NRAP: variants seen among roughly 807,000 people sequenced by gnomAD.
NRAP encodes the protein nebulin related anchoring protein, also known as nebulin-related-anchoring protein.
In NRAP, 189 loss-of-function variants were observed where a neutral mutation model predicts 225.9. The ratio of observed to expected loss-of-function variants is 0.84; its 90% CI spans 0.74 to 0.94. The LOEUF (loss-of-function observed/expected upper bound fraction) is 0.94. Ranked by LOEUF, NRAP falls within the 40% of genes least tolerant of loss-of-function variation. The pLI is 0.00. For synonymous variants in NRAP, 769 were observed against 790.7 expected, an observed-to-expected ratio of 0.97 and a Z score of 0.46; for missense variants, 2,176 against 2,168.7, an observed-to-expected ratio of 1.00 and a Z score of -0.07.
intron 3 of NRAP, among the ~76,000 whole-genome samples, chr10:113,660,108 CAT>C (rs1850573688): frequency 6.6e-6 from 1 of 150,666 alleles, no homozygotes; most frequent in Non-Finnish European, 1.5e-5. Flanking sequence ...TATATACATA[CAT>C]ACATACATAA....
At chr10:113,600,659 A>G (rs566684149) in intron 35 of NRAP, among the ~76,000 whole-genome samples, 6 of 152,316 alleles carry the variant, frequency 3.9e-5, no homozygotes, top group African/African-American at 1.4e-4. Flanking sequence ...AGACTGAACC[A>G]GGAGTTAAGA....
chr10:113,627,643 AG>A (rs1848358895), intron 20 of NRAP, among the ~76,000 whole-genome samples: 1 of 152,158 alleles, frequency 6.6e-6, no homozygotes, highest in South Asian at 2.1e-4. Context: ...GTCTCAGAGG[AG>A]GGTGAGTACA....
Position 113,650,515 on chromosome 10 carries a change from T to A in NRAP, c.706A>T (p.Arg236Ter). The change falls in exon 8 of 42, where the codon AGA (arginine) becomes TGA (stop). Residue 236 changes from arginine to a stop codon, truncating the protein, a stop_gained. Coordinates refer to ENST00000359988, the MANE Select transcript of NRAP (RefSeq NM_198060.4). LOFTEE classifies it high-confidence loss of function. Reference sequence around the variant, plus strand: ...ATCGCAGGGAAACTGCCTTTCCCTCTTTGTTGTTCATAGTCCTCTGTGTAT... The same window carrying A: ...ATCGCAGGGAAACTGCCTTTCCCTCATTGTTGTTCATAGTCCTCTGTGTAT... ...VRYTEDYEQQ[R>*]GKGSFPAMIT... The A allele has an allele frequency of 6.2e-7, 1 of 1,613,606 alleles. No homozygotes were observed.
chr10:113,631,917 C>G lies in NRAP; in HGVS notation c.1680G>C (p.Glu560Asp). The part of the protein sequence containing the change: ...GWEKTKGKGF[E>D]MKLDAMSLLA... ...GCAGAGACATGGCATCCAGCTTCAT[C>G]TCAAATCCTTTCCCCTTTGTCTTCT... The change falls in exon 17 of 42, where the codon GAG becomes GAC. Residue 560 changes from glutamate (E) to aspartate (D), a missense_variant. Around this residue, in one of 3 missense-constraint regions of NRAP, gnomAD observed 1,708 missense variants for 1,695.5 expected, o/e 1.01. Coordinates refer to ENST00000359988, the MANE Select transcript of NRAP (RefSeq NM_198060.4). The G allele has an allele frequency of 6.2e-7, 1 of 1,613,844 alleles. No individual in the cohort carries two copies. The highest frequency in any genetic ancestry group is 8.5e-7 in the Non-Finnish European group (1 of 1,179,730).
chr10:113,608,539 A>C, intron 31 of NRAP, 27 bp from the exon 32 acceptor site: 1 of 1,438,872 alleles, frequency 6.9e-7, no homozygotes, highest in Non-Finnish European at 9.7e-7. Context: ...GAAGGGAAGA[A>C]GACGACTCCG....
rs1315049585 is a variant in NRAP, at chr10:113,623,895, G to A, written c.2350-259C>T. Among the ~76,000 whole-genome samples, 3 of 152,140 alleles carry A rather than the reference G, an allele frequency of 2.0e-5. 1 individual carries two copies. The South Asian group carries it at 6.2e-4, about 32-fold the overall frequency. On this transcript the variant is annotated intron_variant, in intron 22 of 41. Coordinates refer to ENST00000359988, the MANE Select transcript of NRAP (RefSeq NM_198060.4). ...CTTAACAAATACTAGGAGTTTTCGTGGAAGTCTCAAAAACATGCCAAAGGC... is the reference window on the plus strand; with the variant it reads ...CTTAACAAATACTAGGAGTTTTCGTAGAAGTCTCAAAAACATGCCAAAGGC...
intron 5 of NRAP, among the ~76,000 whole-genome samples, 197 bp downstream of exon 5, chr10:113,653,824 G>A (rs1850137486): frequency 6.6e-6 from 1 of 152,128 alleles, no homozygotes; most frequent in African/African-American, 2.4e-5. Context: ...TGCCCTACAT[G>A]GATTTGGCCT....
At position 113,605,805 on chromosome 10, in the gene NRAP, A is replaced by T; in HGVS notation, c.3872T>A (p.Leu1291His). The T allele has an allele frequency of 6.2e-7, 1 of 1,614,066 alleles. No individual in the cohort carries two copies. Among genetic ancestry groups the T allele is most frequent in the Non-Finnish European group, 8.5e-7 (1 of 1,179,934 alleles). The change falls in exon 34 of 42, where the codon CTC becomes CAC. Residue 1291 changes from leucine to histidine, a missense_variant. Leu to His is a moderately conservative substitution (Grantham distance 99). Around this residue, in one of 3 missense-constraint regions of NRAP, gnomAD observed 1,708 missense variants for 1,695.5 expected, o/e 1.01. Coordinates refer to ENST00000359988, the MANE Select transcript of NRAP (RefSeq NM_198060.4). ...AQGYKLTIEALPFQAARASGD... is the reference protein window; with the variant it reads ...AQGYKLTIEAHPFQAARASGD... ...AGAGGCCCGGGCAGCCTGGAAGGGG[A>T]GCGCTTCTATTGTCAGCTTGTAGCC...
intron 3 of NRAP, among the ~76,000 whole-genome samples, chr10:113,659,242 A>G (rs1850510391): frequency 6.6e-6 from 1 of 152,100 alleles, no homozygotes; most frequent in Admixed American, 6.5e-5. Flanking sequence ...CCAGTTAATT[A>G]TTTGTTGTGG....
intron 10 of NRAP, among the ~76,000 whole-genome samples, chr10:113,646,376 G>A (rs947191269): frequency 5.3e-5 from 8 of 152,204 alleles, no homozygotes; most frequent in African/African-American, 1.9e-4. Flanking sequence ...AGAAAAGAGA[G>A]TGAAGGAAAA....
chr10:113,590,933 C>A (rs1845944988), intron 39 of NRAP, 44 bp from the exon 40 acceptor site: 1 of 1,569,324 alleles, frequency 6.4e-7, no homozygotes, highest in Non-Finnish European at 8.7e-7. Context: ...TGCCTACCTC[C>A]CCCAGGACCA....
intron 10 of NRAP, among the ~76,000 whole-genome samples, chr10:113,646,183 G>GA (rs965549583): frequency 1.3e-5 from 2 of 151,622 alleles, no homozygotes; most frequent in Non-Finnish European, 2.9e-5. Context: ...TTCTGCGTGG[G>GA]AAAAAAAAGT....
chr10:113,609,580 T>G (rs1847200802), intron 31 of NRAP, among the ~76,000 whole-genome samples: 1 of 152,100 alleles, frequency 6.6e-6, no homozygotes, highest in African/African-American at 2.4e-5. Flanking sequence ...ACCAAGAAAT[T>G]ATCACCATTT....
At chr10:113,622,595 C>G (rs1320390573) in intron 23 of NRAP, among the ~76,000 whole-genome samples, 1 of 152,060 alleles carries the variant, frequency 6.6e-6, no homozygotes, top group Admixed American at 6.5e-5. Context: ...GGACCAGAAG[C>G]AAGAATAAAT....
At chr10:113,655,580 C>A (rs1030915312) in intron 4 of NRAP, among the ~76,000 whole-genome samples, 2 of 151,890 alleles carry the variant, frequency 1.3e-5, no homozygotes, top group Non-Finnish European at 2.9e-5. Context: ...CTCAGCCTCC[C>A]GAGAAGCTGG....
chr10:113,599,324 G>A (rs948965418), intron 35 of NRAP, among the ~76,000 whole-genome samples: 3 of 152,188 alleles, frequency 2.0e-5, no homozygotes, highest in African/African-American at 7.2e-5. Context: ...TCAGGCTCAG[G>A]AGCAGGTTTC....
At chr10:113,629,509 T>C (rs1848464206) in intron 19 of NRAP, 79 bp downstream of exon 19, 1 of 1,014,664 alleles carries the variant, frequency 9.9e-7, no homozygotes, top group East Asian at 2.4e-5. Context: ...AATAGACTCG[T>C]GCACAGGTTT....
intron 37 of NRAP, among the ~76,000 whole-genome samples, chr10:113,596,362 G>A (rs780045478): frequency 6.6e-5 from 10 of 152,164 alleles, no homozygotes; most frequent in Admixed American, 5.2e-4. Flanking sequence ...GTAATATTCC[G>A]ATCAATTCCC....
chr10:113,658,137 C>T (rs1850425922), intron 3 of NRAP, among the ~76,000 whole-genome samples: 1 of 152,134 alleles, frequency 6.6e-6, no homozygotes, highest in Non-Finnish European at 1.5e-5. Context: ...TGCAGTGATG[C>T]CTTTCTTGTA....
Sources: gnomAD v4.1 joint callset for allele counts (sites outside exome capture counted in the v4.1 genomes callset) on GRCh38, gnomAD v4.1.1 for gene constraint, gnomAD v4.1.1 regional missense constraint, MANE v1.5 for transcripts, NCBI Gene and HGNC (gene_info 2026-07-23, HGNC 2026-07-21) for gene names.